Variants in LRBA observed in about 807,000 individuals in gnomAD.
LRBA encodes lipopolysaccharide-responsive and beige-like anchor protein.
Under a neutral mutation model 330.0 loss-of-function variants are expected in LRBA, and 176 were observed. That is an observed-to-expected ratio of 0.53 (90% CI 0.47 to 0.60). The LOEUF is 0.60. LRBA is among the 20% of genes least tolerant of loss of function. The pLI, the probability that LRBA is intolerant of heterozygous loss-of-function variation, is 0.00. For synonymous variants in LRBA, 1,230 were observed against 1,193.0 expected (o/e 1.03, Z -0.64); for missense variants, 3,259 against 3,444.8 (o/e 0.95, Z 1.35).
chr4:150,267,672 GAAAT>G (rs1745540495), intron 56 of LRBA, among the ~76,000 whole-genome samples: 1 of 152,090 alleles, frequency 6.6e-6, no homozygotes. Flanking sequence ...AGAGTAGAGA[GAAAT>G]AAAGCAGAAA....
At chr4:150,349,527 C>A (rs1046103536) in intron 48 of LRBA, among the ~76,000 whole-genome samples, 1 of 152,114 alleles carries the variant, frequency 6.6e-6, no homozygotes, top group Non-Finnish European at 1.5e-5. Flanking sequence ...AGTTCAATAA[C>A]ATCTAACAAC....
At chr4:150,924,767 T>C (rs562985438) in intron 4 of LRBA, among the ~76,000 whole-genome samples, 5 of 152,214 alleles carry the variant, frequency 3.3e-5, no homozygotes, top group Non-Finnish European at 5.9e-5. Context: ...CTTGCTCTCA[T>C]TTTATAAATA....
chr4:150,890,135 C>A (rs1729318766), intron 17 of LRBA, among the ~76,000 whole-genome samples: 1 of 152,058 alleles, frequency 6.6e-6, no homozygotes, highest in Non-Finnish European at 1.5e-5. Flanking sequence ...TGAAATAATT[C>A]CCTCCTAATA....
intron 31 of LRBA, among the ~76,000 whole-genome samples, chr4:150,813,353 T>C (rs1045603214): frequency 1.3e-5 from 2 of 152,086 alleles, no homozygotes; most frequent in Admixed American, 6.6e-5. Context: ...TATCTTTTAA[T>C]ACTTATTAAT....
intron 37 of LRBA, among the ~76,000 whole-genome samples, chr4:150,611,056 A>C (rs975864175): frequency 5.3e-5 from 8 of 152,202 alleles, no homozygotes; most frequent in Non-Finnish European, 8.8e-5. Context: ...TGATAGGATC[A>C]CTAGCCAGGA....
chr4:150,362,932 A>T (rs1408778142), intron 47 of LRBA, among the ~76,000 whole-genome samples: 1 of 152,122 alleles, frequency 6.6e-6, no homozygotes, highest in Non-Finnish European at 1.5e-5. Flanking sequence ...AGCCTGGGCA[A>T]CATGATGAAT....
intron 17 of LRBA, among the ~76,000 whole-genome samples, chr4:150,891,576 G>C (rs1729465690): frequency 6.6e-6 from 1 of 152,176 alleles, no homozygotes; most frequent in African/African-American, 2.4e-5. Context: ...TCACTCAGCA[G>C]ACTGCCTTTG....
chr4:150,971,716 C>T (rs1315390564), intron 2 of LRBA, among the ~76,000 whole-genome samples: 1 of 152,024 alleles, frequency 6.6e-6, no homozygotes, highest in African/African-American at 2.4e-5. Context: ...TAGCTATAAA[C>T]AAATGAAACA....
chr4:150,272,863 G>A (rs1302137963), intron 56 of LRBA, among the ~76,000 whole-genome samples: 2 of 152,102 alleles, frequency 1.3e-5, no homozygotes, highest in African/African-American at 4.8e-5. Flanking sequence ...CAGGGAGAAT[G>A]GAACCAAGTT....
chr4:150,536,859 G>A (rs186711151), intron 40 of LRBA, among the ~76,000 whole-genome samples: 54 of 152,158 alleles, frequency 3.5e-4, no homozygotes, highest in African/African-American at 1.2e-3. Context: ...ACAACATTCC[G>A]TTCTCATGAA....
intron 9 of LRBA, among the ~76,000 whole-genome samples, chr4:150,912,678 T>C (rs1219580133): frequency 6.6e-6 from 1 of 152,182 alleles, no homozygotes; most frequent in Admixed American, 6.5e-5. Flanking sequence ...CCAAAAAGGT[T>C]GGGGACTGCT....
intron 34 of LRBA, among the ~76,000 whole-genome samples, chr4:150,796,843 T>C (rs1056628000): frequency 1.3e-5 from 2 of 151,940 alleles, no homozygotes; most frequent in Admixed American, 1.3e-4. Flanking sequence ...GGCAATTTCA[T>C]GTAGACATAA....
chr4:150,435,887 T>G (rs1751046289), intron 45 of LRBA, among the ~76,000 whole-genome samples, 179 bp from the exon 46 acceptor site: 1 of 152,162 alleles, frequency 6.6e-6, no homozygotes, highest in African/African-American at 2.4e-5. Flanking sequence ...TATTTTTCCC[T>G]CAAAAGAAAT....
intron 17 of LRBA, among the ~76,000 whole-genome samples, chr4:150,891,424 G>A (rs1489388552): frequency 2.6e-5 from 4 of 152,170 alleles, no homozygotes; most frequent in African/African-American, 7.2e-5. Flanking sequence ...AAGATAGTTG[G>A]TCAAATATTT....
chr4:150,819,052 C>T (rs1745032761), intron 30 of LRBA, among the ~76,000 whole-genome samples: 1 of 151,792 alleles, frequency 6.6e-6, no homozygotes, highest in African/African-American at 2.4e-5. Context: ...TGCTATGCTT[C>T]TAGAATGGAA....
At chr4:150,835,913 T>C (rs376433797) in intron 28 of LRBA, among the ~76,000 whole-genome samples, 3 of 152,224 alleles carry the variant, frequency 2.0e-5, no homozygotes, top group Non-Finnish European at 4.4e-5. Context: ...GTTTTGCCCA[T>C]TCAGTATGAT....
At chr4:150,562,226 C>T (rs1227734240) in intron 40 of LRBA, among the ~76,000 whole-genome samples, 1 of 152,190 alleles carries the variant, frequency 6.6e-6, no homozygotes, top group East Asian at 1.9e-4. Flanking sequence ...ATATAATATT[C>T]TGTGCACCTC....
intron 2 of LRBA, among the ~76,000 whole-genome samples, chr4:150,959,301 C>T (rs1737882340): frequency 6.7e-6 from 1 of 149,038 alleles, no homozygotes; most frequent in Admixed American, 6.6e-5. Context: ...GGGGAAAAAC[C>T]CACCCCCATG....
chr4:150,793,924 G>A (rs1453200614), intron 34 of LRBA, among the ~76,000 whole-genome samples: 1 of 152,068 alleles, frequency 6.6e-6, no homozygotes, highest in Non-Finnish European at 1.5e-5. Flanking sequence ...AAACAAAGAG[G>A]AATACTAACA....
Sources: allele counts gnomAD v4.1 joint callset (sites outside exome capture counted in the v4.1 genomes callset), GRCh38; gene constraint gnomAD v4.1.1; transcripts MANE v1.5; gene names NCBI Gene and HGNC (gene_info 2026-07-23, HGNC 2026-07-21).